Variants in CTNNA3 observed in about 807,000 individuals in gnomAD.
CTNNA3 encodes catenin alpha 3, also known as catenin alpha-3.
CTNNA3 carries 76 observed loss-of-function variants against 95.7 expected under a neutral mutation model. The ratio of observed to expected loss-of-function variants is 0.79; its 90% confidence interval spans 0.66 to 0.96. The LOEUF (loss-of-function observed/expected upper bound fraction) is 0.96. Ranked by LOEUF, CTNNA3 falls within the 40% of genes least tolerant of loss-of-function variation. The pLI is 0.00. For missense variants in CTNNA3, 1,191 were observed against 1,089.8 expected (o/e 1.09, Z -1.31); for synonymous variants, 431 against 374.4 (o/e 1.15, Z -1.74).
At chr10:66,061,477 C>CAGTG (rs1264889164) in intron 15 of CTNNA3, among the ~76,000 whole-genome samples, 6 of 152,100 alleles carry the variant, frequency 3.9e-5, no homozygotes, top group Admixed American at 1.3e-4. Context: ...GTCTCTGCTA[C>CAGTG]AGTGCCACGC....
At chr10:67,393,066 A>AT (rs374979541) in intron 5 of CTNNA3, among the ~76,000 whole-genome samples, 16,970 of 151,898 alleles carry the variant, frequency 0.11, 1,835 homozygotes, top group African/African-American at 0.29. Context: ...TAATAAAAAA[A>AT]AAATAAATAA....
At chr10:67,578,904 C>T (rs113923147) in intron 3 of CTNNA3, among the ~76,000 whole-genome samples, 8,890 of 136,470 alleles carry the variant, frequency 0.065, no homozygotes, top group African/African-American at 0.2. Context: ...TGTTTCTTTC[C>T]CTTGATTCTG....
At chr10:66,115,916 A>G (rs1331546789) in intron 13 of CTNNA3, among the ~76,000 whole-genome samples, 1 of 152,184 alleles carries the variant, frequency 6.6e-6, no homozygotes, top group African/African-American at 2.4e-5. Context: ...ATTCAGATCT[A>G]TATTAGACTT....
At chr10:66,926,552 G>A (rs1246529753) in intron 7 of CTNNA3, 1 of 1,613,620 alleles carries the variant, frequency 6.2e-7, no homozygotes, top group Non-Finnish European at 8.5e-7. Context: ...CAAAGCAAAA[G>A]ACCTAAGGAC....
At chr10:67,015,070 A>G (rs903278853) in intron 7 of CTNNA3, among the ~76,000 whole-genome samples, 1 of 152,132 alleles carries the variant, frequency 6.6e-6, no homozygotes, top group Non-Finnish European at 1.5e-5. Flanking sequence ...GAAAAACTTT[A>G]GGAGGTTAGA....
intron 14 of CTNNA3, among the ~76,000 whole-genome samples, chr10:66,077,204 A>G (rs896031166): frequency 6.6e-6 from 1 of 151,768 alleles, no homozygotes. Context: ...AGTTTAAGAA[A>G]AACCCAAATA....
chr10:66,303,181 G>A (rs1352049353), intron 12 of CTNNA3, among the ~76,000 whole-genome samples: 2 of 152,054 alleles, frequency 1.3e-5, no homozygotes, highest in African/African-American at 4.8e-5. Flanking sequence ...CTTCTCTTTA[G>A]CGTTGCCTTG....
At chr10:67,508,139 G>A (rs755460278) in intron 5 of CTNNA3, among the ~76,000 whole-genome samples, 31 of 151,824 alleles carry the variant, frequency 2.0e-4, no homozygotes, top group Non-Finnish European at 7.4e-5. Flanking sequence ...TCATACTCCC[G>A]AATAGCTGGG....
At chr10:67,104,203 G>A (rs555301458) in intron 7 of CTNNA3, among the ~76,000 whole-genome samples, 1 of 151,910 alleles carries the variant, frequency 6.6e-6, no homozygotes, top group Admixed American at 6.6e-5. Flanking sequence ...AAGTACAAAT[G>A]ACAAGGTGGA....
Position 67,383,831 on chromosome 10 carries a change from A to G in CTNNA3, c.579+138011T>C, listed in dbSNP as rs1396272924. 3.3e-5 allele frequency among the ~76,000 whole-genome samples: 5 copies of G among 152,350 alleles called. No individual in the cohort carries two copies. The East Asian group carries it at 9.6e-4, about 29-fold the overall frequency. ...CTAACATTAAACAGTGACGTTTACT[A>G]GAATCTTTGATGTAGGTAACAGAGA... On this transcript the variant is annotated intron_variant, in intron 5 of 17. Coordinates refer to ENST00000433211, the MANE Select transcript of CTNNA3 (RefSeq NM_013266.4).
chr10:66,915,571 G>C (rs948853375), intron 7 of CTNNA3, among the ~76,000 whole-genome samples: 1 of 151,846 alleles, frequency 6.6e-6, no homozygotes, highest in African/African-American at 2.4e-5. Context: ...TAGGGATCCT[G>C]TTCTGGAAAA....
At chr10:66,339,551 A>C (rs2132348762) in intron 12 of CTNNA3, among the ~76,000 whole-genome samples, 1 of 151,894 alleles carries the variant, frequency 6.6e-6, no homozygotes, top group East Asian at 1.9e-4. Flanking sequence ...CAGTAAAGGA[A>C]AGATTTTAAA....
At chr10:67,220,342 A>G (rs1864594916) in intron 5 of CTNNA3, among the ~76,000 whole-genome samples, 1 of 152,214 alleles carries the variant, frequency 6.6e-6, no homozygotes, top group Admixed American at 6.5e-5. Context: ...TTTTTCAGAA[A>G]TACTAATAAA....
chr10:67,504,535 A>G (rs949506809), intron 5 of CTNNA3, among the ~76,000 whole-genome samples: 3 of 151,918 alleles, frequency 2.0e-5, no homozygotes, highest in Non-Finnish European at 4.4e-5. Context: ...GACATTCTCT[A>G]TATCCACTAG....
intron 17 of CTNNA3, among the ~76,000 whole-genome samples, chr10:65,950,818 A>T (rs1245572267): frequency 6.6e-6 from 1 of 152,222 alleles, no homozygotes; most frequent in East Asian, 1.9e-4. Flanking sequence ...ATTTAACAGT[A>T]GAGACTCTCA....
chr10:67,148,474 C>G (rs1342116565), intron 7 of CTNNA3, among the ~76,000 whole-genome samples: 2 of 152,206 alleles, frequency 1.3e-5, no homozygotes, highest in Admixed American at 6.5e-5. Context: ...GTATGAGTTT[C>G]TCTTTACCAG....
intron 2 of CTNNA3, among the ~76,000 whole-genome samples, chr10:67,627,139 A>G (rs892007393): frequency 2.6e-5 from 4 of 152,142 alleles, no homozygotes; most frequent in Admixed American, 6.6e-5. Context: ...TCTTACACAC[A>G]TCCTACTGTG....
At chr10:67,344,119 G>A (rs1278945191) in intron 5 of CTNNA3, among the ~76,000 whole-genome samples, 2 of 151,568 alleles carry the variant, frequency 1.3e-5, no homozygotes, top group African/African-American at 2.4e-5. Context: ...CCTTCATTCT[G>A]TTGATATGAT....
At chr10:66,596,986 A>T (rs1463705114) in intron 10 of CTNNA3, among the ~76,000 whole-genome samples, 1 of 152,142 alleles carries the variant, frequency 6.6e-6, no homozygotes, top group Non-Finnish European at 1.5e-5. Flanking sequence ...AAAGATGGAA[A>T]CATATTAATA....
Sources: allele counts gnomAD v4.1 joint callset (sites outside exome capture counted in the v4.1 genomes callset), GRCh38; gene constraint gnomAD v4.1.1; transcripts MANE v1.5; gene names NCBI Gene and HGNC (gene_info 2026-07-23, HGNC 2026-07-21).